PDE1C: variants seen among roughly 807,000 people sequenced by gnomAD.
PDE1C encodes the protein phosphodiesterase 1C.
A neutral mutation model predicts 93.1 loss-of-function variants in PDE1C; 62 were observed. That is an observed-to-expected ratio of 0.67 (90% CI 0.54 to 0.82). PDE1C has a LOEUF of 0.82. PDE1C is among the 40% of genes least tolerant of loss of function. The pLI is 0.00. For missense variants in PDE1C, 742 were observed against 884.6 expected (o/e 0.84, Z 2.04); for synonymous variants, 325 against 310.1 (o/e 1.05, Z -0.50).
chr7:32,156,725 T>C (rs758490106), intron 3 of PDE1C, among the ~76,000 whole-genome samples: 7 of 152,104 alleles, frequency 4.6e-5, no homozygotes, highest in Non-Finnish European at 8.8e-5. Context: ...TATCATCCAA[T>C]ACATAGAAAA....
intron 7 of PDE1C, among the ~76,000 whole-genome samples, chr7:31,855,373 T>G (rs1460328019): frequency 6.6e-6 from 1 of 152,144 alleles, no homozygotes; most frequent in African/African-American, 2.4e-5. Flanking sequence ...TTGACTTTGA[T>G]GAACTTGTGT....
intron 3 of PDE1C, among the ~76,000 whole-genome samples, chr7:32,104,949 G>C (rs1308957406): frequency 2.0e-5 from 3 of 152,020 alleles, no homozygotes; most frequent in Non-Finnish European, 4.4e-5. Flanking sequence ...CCTCTTCAAG[G>C]CTTCAGGAAA....
At chr7:31,646,125 A>T in the PDE1C span, among the ~76,000 whole-genome samples, 1 of 152,220 alleles carries the variant, frequency 6.6e-6, no homozygotes, top group African/African-American at 2.4e-5. Flanking sequence ...CAAGCATTAC[A>T]AAGATTTTAA....
At chr7:32,100,952 A>G (rs765921293) in intron 3 of PDE1C, among the ~76,000 whole-genome samples, 13 of 152,212 alleles carry the variant, frequency 8.5e-5, no homozygotes, top group Non-Finnish European at 1.5e-4. Flanking sequence ...TGGAATTTCC[A>G]CATAGCACAG....
chr7:32,115,675 C>A (rs1199293901), intron 3 of PDE1C, among the ~76,000 whole-genome samples: 1 of 152,166 alleles, frequency 6.6e-6, no homozygotes, highest in Non-Finnish European at 1.5e-5. Context: ...CAACTTTAGA[C>A]AATCTGCCAA....
At chr7:31,738,660 G>A in the PDE1C span, among the ~76,000 whole-genome samples, 32 of 152,322 alleles carry the variant, frequency 2.1e-4, no homozygotes, top group Non-Finnish European at 2.9e-4. Flanking sequence ...GCACCAAGCC[G>A]CCATGGGCCA....
the PDE1C span, among the ~76,000 whole-genome samples, chr7:31,625,573 G>A: frequency 1.2e-4 from 18 of 152,074 alleles, no homozygotes; most frequent in African/African-American, 4.1e-4. Flanking sequence ...ATTGAACAAT[G>A]GGAACACATG....
Position 31,872,219 on chromosome 7 carries a change from G to A in PDE1C, c.609+1073C>T, listed in dbSNP as rs77303570. ...TAGAATGATAGATACTGGAGGCTGG[G>A]ATGTGTGTGGGGGTATAGGGGGTTG... On this transcript the variant is annotated intron_variant, in intron 6 of 17. Coordinates refer to ENST00000396191, the MANE Select transcript of PDE1C (RefSeq NM_001191057.4). 5.9e-3 allele frequency among the ~76,000 whole-genome samples: 891 copies of A among 152,234 alleles called. 8 individuals are homozygous for A. The highest frequency in any genetic ancestry group is 0.02 in the African/African-American group (839 of 41,550).
At chr7:32,349,031 C>T (rs1585120556) in intron 1 of PDE1C, among the ~76,000 whole-genome samples, 1 of 152,318 alleles carries the variant, frequency 6.6e-6, no homozygotes, top group East Asian at 1.9e-4. Context: ...GGGTGTCTAG[C>T]CATCAAAGAA....
chr7:31,850,608 T>C, intron 8 of PDE1C, 33 bp downstream of exon 8: 2 of 1,409,394 alleles, frequency 1.4e-6, no homozygotes, highest in Non-Finnish European at 2.0e-6. Flanking sequence ...CTGACCCCTC[T>C]TGCCTCTCTT....
At chr7:31,868,951 T>G (rs1034301678) in intron 6 of PDE1C, among the ~76,000 whole-genome samples, 6 of 151,322 alleles carry the variant, frequency 4.0e-5, no homozygotes, top group Non-Finnish European at 7.4e-5. Context: ...AAGGTATGCT[T>G]CATTAATGAA....
chr7:31,837,146 T>C (rs1791216470), intron 11 of PDE1C, 34 bp downstream of exon 11: 2 of 1,602,114 alleles, frequency 1.2e-6, no homozygotes, highest in Admixed American at 1.7e-5. Flanking sequence ...TATCCAATGA[T>C]GACAGTCCTG....
chr7:31,833,198 A>G (rs1790643828), intron 11 of PDE1C, among the ~76,000 whole-genome samples: 1 of 152,188 alleles, frequency 6.6e-6, no homozygotes, highest in Non-Finnish European at 1.5e-5. Context: ...CATGTAAGAC[A>G]TCCCTTTGTT....
intron 2 of PDE1C, among the ~76,000 whole-genome samples, chr7:32,173,630 T>C (rs2128807586): frequency 6.6e-6 from 1 of 151,938 alleles, no homozygotes; most frequent in Non-Finnish European, 1.5e-5. Flanking sequence ...TTATGGGGCA[T>C]GAGGGATGGG....
intron 2 of PDE1C, among the ~76,000 whole-genome samples, chr7:31,991,593 G>T (rs897350507): frequency 6.6e-6 from 1 of 152,202 alleles, no homozygotes; most frequent in Non-Finnish European, 1.5e-5. Flanking sequence ...GCCTGGGACC[G>T]AGCAGGTGCT....
intron 1 of PDE1C, among the ~76,000 whole-genome samples, chr7:32,427,716 G>GTCT (rs1785562876): frequency 6.6e-6 from 1 of 152,186 alleles, no homozygotes; most frequent in Non-Finnish European, 1.5e-5. Flanking sequence ...ATGGACACGA[G>GTCT]GACGAGAAAC....
In PDE1C at chr7:32,420,560, A is replaced by C. The variant is rs567085480; in HGVS notation, c.310+7262T>G. 1.3e-4 allele frequency among the ~76,000 whole-genome samples: 20 copies of C among 150,194 alleles called. 1 individual carries two copies. The highest frequency in any genetic ancestry group is 9.3e-4 in the Admixed American group (14 of 15,022). ...CAGAGCAAGGCTCCATCTCAAAAAA[A>C]AAAGGGGGGGTGGTAATAATAGTGC... On this transcript the variant is annotated intron_variant, in intron 1 of 1. Transcript: ENST00000672256.
chr7:32,331,396 CA>C (rs1237871271), intron 1 of PDE1C, among the ~76,000 whole-genome samples: 1 of 152,170 alleles, frequency 6.6e-6, no homozygotes, highest in Non-Finnish European at 1.5e-5. Flanking sequence ...GGAAGACAGA[CA>C]TGCAAAAAAG....
chr7:31,673,975 T>C, the PDE1C span, among the ~76,000 whole-genome samples: 4 of 152,198 alleles, frequency 2.6e-5, no homozygotes, highest in Non-Finnish European at 4.4e-5. Flanking sequence ...TGCTGGGGCA[T>C]GCATTTCATT....
Sources: gnomAD v4.1 joint callset for allele counts (sites outside exome capture counted in the v4.1 genomes callset) on GRCh38, gnomAD v4.1.1 for gene constraint, MANE v1.5 for transcripts, NCBI Gene and HGNC (gene_info 2026-07-23, HGNC 2026-07-21) for gene names.